Variants in RNF152 observed in about 807,000 individuals in gnomAD.
RNF152 encodes ring finger protein 152, also known as E3 ubiquitin-protein ligase RNF152.
Under a neutral mutation model 12.7 loss-of-function variants are expected in RNF152, and 11 were observed. The ratio of observed to expected loss-of-function variants is 0.86; its 90% CI spans 0.54 to 1.43. The LOEUF (loss-of-function observed/expected upper bound fraction) is 1.43, where lower values mean the gene tolerates loss of function less well. Ranked by LOEUF, RNF152 falls within the 40% of genes most tolerant of loss-of-function variation. The pLI is 0.00. For missense variants in RNF152, 255 were observed against 274.8 expected (o/e 0.93, Z 0.51); for synonymous variants, 113 against 120.3 (o/e 0.94, Z 0.40).
At chr18:61,822,065 A>G (rs1909441487) in intron 1 of RNF152, among the ~76,000 whole-genome samples, 1 of 152,218 alleles carries the variant, frequency 6.6e-6, no homozygotes, top group South Asian at 2.1e-4. Context: ...ATTTAAAGGG[A>G]AAGAGTACTT....
intron 1 of RNF152, among the ~76,000 whole-genome samples, chr18:61,821,816 C>G (rs1476781940): frequency 2.0e-5 from 3 of 152,108 alleles, no homozygotes; most frequent in Non-Finnish European, 4.4e-5. Flanking sequence ...ACTTCACATG[C>G]AAGGGATCTA....
chr18:61,887,820 G>A (rs1456641440), intron 1 of RNF152, among the ~76,000 whole-genome samples: 1 of 152,092 alleles, frequency 6.6e-6, no homozygotes, highest in Non-Finnish European at 1.5e-5. Flanking sequence ...GTGATTATCT[G>A]GATGTCTAGA....
intron 1 of RNF152, among the ~76,000 whole-genome samples, chr18:61,819,857 C>A (rs111488589): frequency 0.12 from 18,854 of 151,170 alleles, 1,175 homozygotes; most frequent in African/African-American, 0.14. Context: ...TCTGTCTCTA[C>A]TAAAAATAAA....
intron 1 of RNF152, among the ~76,000 whole-genome samples, chr18:61,826,767 T>C (rs1215013711): frequency 6.6e-6 from 1 of 152,218 alleles, no homozygotes. Flanking sequence ...TGGAGACACC[T>C]ACCTCGAAAT....
chr18:61,830,060 C>T (rs1392515783), intron 1 of RNF152, among the ~76,000 whole-genome samples: 3 of 148,728 alleles, frequency 2.0e-5, no homozygotes, highest in East Asian at 2.0e-4. Context: ...CTCACTCTGT[C>T]GCCCAGGCTG....
chr18:61,889,718 C>T lies in RNF152; in HGVS notation c.-136+3077G>A, dbSNP rs549128242. ...GACCCAAGGTTACCCTAAACACATT[C>T]CTGCCCCCTTCAGATCTTATCTGTT... On this transcript the variant is annotated intron_variant, in intron 1 of 1. Coordinates refer to ENST00000312828, the MANE Select transcript of RNF152 (RefSeq NM_173557.3). Among the ~76,000 whole-genome samples, 10 of 152,324 alleles carry T rather than the reference C, an allele frequency of 6.6e-5. No individual in the cohort carries two copies. In the East Asian group the frequency reaches 1.9e-3, roughly 29 times the overall value.
chr18:61,868,747 C>G (rs1010146356), intron 1 of RNF152, among the ~76,000 whole-genome samples: 2 of 152,028 alleles, frequency 1.3e-5, no homozygotes, highest in Non-Finnish European at 2.9e-5. Context: ...TTAGAAGGAA[C>G]TTCAAAGTAA....
intron 1 of RNF152, among the ~76,000 whole-genome samples, chr18:61,885,741 A>G (rs1912661167): frequency 6.6e-6 from 1 of 152,212 alleles, no homozygotes; most frequent in South Asian, 2.1e-4. Context: ...TATCATGTGA[A>G]TGAGTATTCC....
At chr18:61,864,274 T>C (rs752774867) in intron 1 of RNF152, among the ~76,000 whole-genome samples, 2 of 152,176 alleles carry the variant, frequency 1.3e-5, no homozygotes, top group Non-Finnish European at 2.9e-5. Context: ...TGGCTATCAG[T>C]GGGGTTTCTC....
intron 1 of RNF152, among the ~76,000 whole-genome samples, chr18:61,852,504 G>A (rs1477545188): frequency 6.6e-6 from 1 of 152,178 alleles, no homozygotes; most frequent in African/African-American, 2.4e-5. Flanking sequence ...GTAAGACAGA[G>A]TCCTCAACAG....
intron 1 of RNF152, among the ~76,000 whole-genome samples, chr18:61,821,070 T>C (rs1037657007): frequency 2.0e-5 from 3 of 152,344 alleles, no homozygotes; most frequent in African/African-American, 7.2e-5. Context: ...GAGGCACATA[T>C]CTGCCCAGAG....
intron 1 of RNF152, among the ~76,000 whole-genome samples, chr18:61,872,428 TA>T (rs758721105): frequency 1.3e-5 from 2 of 152,180 alleles, no homozygotes; most frequent in African/African-American, 4.8e-5. Flanking sequence ...AATGCTTGTT[TA>T]AAAATCTTAC....
At chr18:61,840,023 CCTGGG>C (rs1910380047) in intron 1 of RNF152, among the ~76,000 whole-genome samples, 1 of 152,208 alleles carries the variant, frequency 6.6e-6, no homozygotes, top group African/African-American at 2.4e-5. Context: ...GAAACCAAGG[CCTGGG>C]TAACAGGTGG....
At chr18:61,875,164 T>C (rs1490613721) in intron 1 of RNF152, 2 of 152,170 alleles carry the variant, frequency 1.3e-5, no homozygotes, top group Non-Finnish European at 2.9e-5. Context: ...AGGCAGGCAT[T>C]CTAAATGAGG....
chr18:61,837,063 T>C (rs1220452716), intron 1 of RNF152, among the ~76,000 whole-genome samples: 1 of 152,206 alleles, frequency 6.6e-6, no homozygotes, highest in Non-Finnish European at 1.5e-5. Context: ...GCTGACATCA[T>C]GCTTCCCAAG....
intron 1 of RNF152, among the ~76,000 whole-genome samples, chr18:61,833,924 C>G (rs1406688149): frequency 2.0e-5 from 3 of 152,158 alleles, no homozygotes; most frequent in African/African-American, 7.2e-5. Flanking sequence ...ATATCAGATG[C>G]GCTAAGAATA....
intron 1 of RNF152, among the ~76,000 whole-genome samples, chr18:61,824,683 T>A (rs1909577731): frequency 6.6e-6 from 1 of 152,218 alleles, no homozygotes; most frequent in Non-Finnish European, 1.5e-5. Context: ...ATATTCCTAT[T>A]ACCCAAACTT....
At chr18:61,854,207 C>T (rs1224346570) in intron 1 of RNF152, among the ~76,000 whole-genome samples, 8 of 152,284 alleles carry the variant, frequency 5.3e-5, no homozygotes, top group African/African-American at 1.9e-4. Flanking sequence ...TGCTTCTCAG[C>T]CAATGCACAG....
At chr18:61,845,597 T>C (rs1161201431) in intron 1 of RNF152, among the ~76,000 whole-genome samples, 2 of 152,236 alleles carry the variant, frequency 1.3e-5, no homozygotes, top group Non-Finnish European at 1.5e-5. Context: ...AAATGGTAGA[T>C]ACATTTGTAC....
Sources: allele counts gnomAD v4.1 joint callset (sites outside exome capture counted in the v4.1 genomes callset), GRCh38; gene constraint gnomAD v4.1.1; transcripts MANE v1.5; gene names NCBI Gene and HGNC (gene_info 2026-07-23, HGNC 2026-07-21).